CFAP299: variants seen among roughly 807,000 people sequenced by gnomAD.
CFAP299 encodes the protein cilia- and flagella-associated protein 299.
Under a neutral mutation model 27.0 loss-of-function variants are expected in CFAP299, and 21 were observed. That is an observed-to-expected ratio of 0.78 (90% CI 0.55 to 1.12). The LOEUF (loss-of-function observed/expected upper bound fraction) is 1.12. Ranked by LOEUF, CFAP299 falls within the 50% of genes most tolerant of loss-of-function variation. The probability of loss-of-function intolerance (pLI) is 0.00; values close to 1 mark genes in which losing one functional copy is unlikely to be tolerated. For missense variants in CFAP299, 310 were observed against 276.6 expected, an observed-to-expected ratio of 1.12 and a Z score of -0.86; for synonymous variants, 104 against 98.1, an observed-to-expected ratio of 1.06 and a Z score of -0.36.
intron 3 of CFAP299, among the ~76,000 whole-genome samples, chr4:80,588,291 G>A (rs1736550141): frequency 6.6e-6 from 1 of 150,860 alleles, no homozygotes; most frequent in East Asian, 1.9e-4. Flanking sequence ...CAGGTCTGGA[G>A]CTGGGTACAT....
chr4:80,646,967 T>TTG (rs1281837540), intron 3 of CFAP299, among the ~76,000 whole-genome samples: 25 of 106,404 alleles, frequency 2.3e-4, no homozygotes, highest in African/African-American at 9.2e-4. Context: ...TTCCAATTCT[T>TTG]TGAGAGAGAG....
chr4:80,388,625 G>C, intron 2 of CFAP299: 1 of 1,392,432 alleles, frequency 7.2e-7, no homozygotes, highest in South Asian at 1.2e-5. Context: ...TCTGGGATCA[G>C]GGACTGCTCC....
chr4:80,393,767 A>G (rs1725623859), intron 2 of CFAP299, among the ~76,000 whole-genome samples: 1 of 152,140 alleles, frequency 6.6e-6, no homozygotes. Context: ...ATTTCTCAGA[A>G]TGTATTCCTG....
chr4:80,753,428 G>A lies in CFAP299; in HGVS notation c.334-116565G>A, dbSNP rs1488806700. 1.1e-4 allele frequency among the ~76,000 whole-genome samples: 16 copies of A among 152,038 alleles called. 1 individual carries two copies. Among genetic ancestry groups the A allele is most frequent in the Admixed American group, 9.8e-4 (15 of 15,248 alleles). On this transcript the variant is annotated intron_variant, in intron 3 of 5. Coordinates refer to ENST00000358105, the MANE Select transcript of CFAP299 (RefSeq NM_152770.3). ...TCTGGTTGTCATCAAGACTGTCTCTGTCTTTGGCTTTAGTAGTTTGTATAT... is the reference window on the plus strand; with the variant it reads ...TCTGGTTGTCATCAAGACTGTCTCTATCTTTGGCTTTAGTAGTTTGTATAT...
upstream of CFAP299, among the ~76,000 whole-genome samples, chr4:80,331,463 A>C (rs1477808023): frequency 1.3e-5 from 2 of 152,192 alleles, no homozygotes; most frequent in East Asian, 3.8e-4. Context: ...ACCAGAAAAG[A>C]TTATATTCTT....
chr4:80,946,114 G>C (rs1207208893), intron 5 of CFAP299, among the ~76,000 whole-genome samples: 11 of 148,180 alleles, frequency 7.4e-5, no homozygotes, highest in African/African-American at 2.0e-4. Flanking sequence ...AAAAAAAAAT[G>C]CTAAATAACC....
At chr4:80,490,744 C>T (rs1414306686) in intron 2 of CFAP299, among the ~76,000 whole-genome samples, 1 of 151,486 alleles carries the variant, frequency 6.6e-6, no homozygotes, top group Non-Finnish European at 1.5e-5. Flanking sequence ...TTTAAAAATC[C>T]CACAGTTTGA....
chr4:80,838,031 G>C (rs1202604995), intron 3 of CFAP299, among the ~76,000 whole-genome samples: 1 of 152,162 alleles, frequency 6.6e-6, no homozygotes, highest in East Asian at 1.9e-4. Flanking sequence ...GTGATGATTA[G>C]CTTTTTTTTC....
rs185828330 is a variant in CFAP299, at chr4:80,488,677, C to G, written c.243-94416C>G. 3.2e-4 allele frequency among the ~76,000 whole-genome samples: 49 copies of G among 152,164 alleles called. No individual in the cohort carries two copies. The East Asian group carries it at 9.3e-3, about 29-fold the overall frequency. ...ATTCTTAATAGAGACGGGGTTTCAC[C>G]GTGTTAGCCAGGATGGTCTCGATCT... On this transcript the variant is annotated intron_variant, in intron 2 of 5. Transcript: ENST00000358105.
chr4:80,453,489 G>C (rs1728992422), intron 2 of CFAP299, among the ~76,000 whole-genome samples: 1 of 151,984 alleles, frequency 6.6e-6, no homozygotes, highest in South Asian at 2.1e-4. Flanking sequence ...ACAAGCTTCT[G>C]AAATGCTTTA....
intron 3 of CFAP299, among the ~76,000 whole-genome samples, chr4:80,817,837 T>C (rs944030532): frequency 9.2e-5 from 14 of 152,134 alleles, no homozygotes; most frequent in African/African-American, 2.4e-4. Flanking sequence ...TTTTTTTTTT[T>C]CTTCAACTTT....
chr4:80,567,051 A>C (rs1735336636), intron 2 of CFAP299, among the ~76,000 whole-genome samples: 1 of 152,038 alleles, frequency 6.6e-6, no homozygotes, highest in Non-Finnish European at 1.5e-5. Flanking sequence ...TTCATTGAAG[A>C]AAGTAAAGTC....
intron 4 of CFAP299, chr4:80,871,524 T>C (rs1733097361): frequency 5.1e-6 from 5 of 985,322 alleles, no homozygotes; most frequent in Non-Finnish European, 6.0e-6. Context: ...TTCATTTTAA[T>C]TCCTGAAGCC....
chr4:80,323,128 T>C, the CFAP299 span, among the ~76,000 whole-genome samples: 1 of 152,344 alleles, frequency 6.6e-6, no homozygotes, highest in Middle Eastern at 3.4e-3. Context: ...ATTTCACCAG[T>C]AACACAAATG....
At chr4:80,435,993 G>A (rs1471265296) in intron 2 of CFAP299, among the ~76,000 whole-genome samples, 8 of 152,112 alleles carry the variant, frequency 5.3e-5, no homozygotes, top group Admixed American at 5.2e-4. Flanking sequence ...CTTTCAGCTG[G>A]GTGCAGTAAT....
At chr4:80,363,097 T>C (rs992455432) in intron 2 of CFAP299, among the ~76,000 whole-genome samples, 1 of 152,230 alleles carries the variant, frequency 6.6e-6, no homozygotes, top group African/African-American at 2.4e-5. Flanking sequence ...ATTTGAAATA[T>C]ACATACCAAA....
intron 3 of CFAP299, among the ~76,000 whole-genome samples, chr4:80,836,861 T>C (rs919969925): frequency 6.6e-6 from 1 of 152,126 alleles, no homozygotes; most frequent in Non-Finnish European, 1.5e-5. Context: ...TGATTATTTT[T>C]ATATGACTAC....
intron 4 of CFAP299, among the ~76,000 whole-genome samples, chr4:80,928,479 G>A (rs1480213624): frequency 6.6e-6 from 1 of 152,028 alleles, no homozygotes; most frequent in East Asian, 1.9e-4. Context: ...GAAAAGTATG[G>A]TGATTATAAA....
chr4:80,354,096 G>A (rs1723140959), intron 1 of CFAP299, among the ~76,000 whole-genome samples: 1 of 152,124 alleles, frequency 6.6e-6, no homozygotes, highest in Non-Finnish European at 1.5e-5. Flanking sequence ...TAATAAATGA[G>A]CAAAGGGTTC....
Sources: allele counts gnomAD v4.1 joint callset (sites outside exome capture counted in the v4.1 genomes callset), GRCh38; gene constraint gnomAD v4.1.1; transcripts MANE v1.5; gene names NCBI Gene and HGNC (gene_info 2026-07-23, HGNC 2026-07-21).